The following MACO1 variants were observed in gnomAD, a reference collection of about 807,000 sequenced individuals.
MACO1 encodes macoilin.
MACO1 carries 14 observed loss-of-function variants against 78.7 expected under a neutral mutation model. The observed-to-expected ratio is 0.18, with a 90% CI of 0.12 to 0.28. The LOEUF (loss-of-function observed/expected upper bound fraction) is 0.28. Among genes scored for constraint, MACO1 ranks in the 10% least tolerant of loss-of-function variants. The probability of loss-of-function intolerance (pLI) is 1.00; values close to 1 mark genes in which losing one functional copy is unlikely to be tolerated. For missense variants in MACO1, 501 were observed against 799.0 expected, an observed-to-expected ratio of 0.63 and a Z score of 4.50; for synonymous variants, 288 against 291.6, an observed-to-expected ratio of 0.99 and a Z score of 0.12.
In MACO1 at chr1:25,466,204, G is replaced by A. The variant is rs1638672114; in HGVS notation, c.1154+7312G>A. Among the ~76,000 whole-genome samples, 4 of 152,344 alleles carry A rather than the reference G, an allele frequency of 2.6e-5. No homozygotes were observed. The South Asian group carries it at 8.3e-4, about 32-fold the overall frequency. ...AATCTCCATACTGTTTGCCATAGAA[G>A]TTGAATTGATTTACATTCTCACCAG... On this transcript the variant is annotated intron_variant, in intron 6 of 10. Transcript: ENST00000374343.
At chr1:25,437,136 C>CTT (rs35287453) in intron 1 of MACO1, among the ~76,000 whole-genome samples, 2 of 136,602 alleles carry the variant, frequency 1.5e-5, no homozygotes, top group Admixed American at 7.3e-5. Context: ...CTTCAAAACA[C>CTT]TTTTTTTTTT....
chr1:25,460,377 A>C (rs1260952842), intron 6 of MACO1, among the ~76,000 whole-genome samples: 1 of 151,672 alleles, frequency 6.6e-6, no homozygotes, highest in Non-Finnish European at 1.5e-5. Context: ...CATCTGTCAC[A>C]GCTATTTACC....
intron 10 of MACO1, among the ~76,000 whole-genome samples, chr1:25,493,942 A>T (rs1188516851): frequency 1.3e-5 from 2 of 152,024 alleles, no homozygotes; most frequent in Non-Finnish European, 2.9e-5. Context: ...CGTGTTAGCC[A>T]GGATGGTCTC....
intron 6 of MACO1, among the ~76,000 whole-genome samples, chr1:25,464,673 G>A (rs566996952): frequency 1.4e-4 from 9 of 64,748 alleles, no homozygotes; most frequent in East Asian, 8.9e-4. Context: ...CCCCCCCTCC[G>A]CGAAATGGAA....
chr1:25,452,541 A>T (rs2043075966), intron 3 of MACO1, among the ~76,000 whole-genome samples: 1 of 152,162 alleles, frequency 6.6e-6, no homozygotes, highest in Non-Finnish European at 1.5e-5. Context: ...TTACTTAAGG[A>T]TTATTTTTTT....
intron 3 of MACO1, among the ~76,000 whole-genome samples, chr1:25,451,407 T>G (rs1474185136): frequency 6.6e-6 from 1 of 152,192 alleles, no homozygotes; most frequent in Admixed American, 6.5e-5. Flanking sequence ...ATGCTTTCAA[T>G]GTGATTTTGT....
intron 10 of MACO1, among the ~76,000 whole-genome samples, chr1:25,496,220 T>C (rs976045307): frequency 6.6e-6 from 1 of 151,594 alleles, no homozygotes; most frequent in Admixed American, 6.6e-5. Context: ...CAATCTTGCC[T>C]CACTACAACC....
intron 1 of MACO1, among the ~76,000 whole-genome samples, chr1:25,436,261 C>T (rs1027360886): frequency 1.3e-5 from 2 of 152,010 alleles, no homozygotes; most frequent in Non-Finnish European, 2.9e-5. Context: ...TTGGCCATTT[C>T]TCCCAGATCT....
chr1:25,478,660 T>C (rs2043343857), intron 6 of MACO1, among the ~76,000 whole-genome samples: 1 of 152,206 alleles, frequency 6.6e-6, no homozygotes, highest in Non-Finnish European at 1.5e-5. Flanking sequence ...CCCTTAGAAG[T>C]TGAGTGCTAT....
chr1:25,485,624 C>G lies in MACO1; in HGVS notation c.1325C>G (p.Ala442Gly). 6.2e-7 allele frequency: 1 copy of G among 1,613,452 alleles called. No homozygotes were observed. ...NELLQNKLHN[A>G]VQMKQKDKQN... ...TCATTTCCATATAGGTTACATAATG[C>G]TGTGCAAATGAAGCAAAAAGACAAG... The change falls in exon 8 of 11, where the codon GCT becomes GGT. Residue 442 changes from alanine to glycine, a missense_variant. Physicochemically the swap from Ala to Gly is moderately conservative, Grantham distance 60. Coordinates refer to ENST00000374343, the MANE Select transcript of MACO1 (RefSeq NM_018202.6). This position sits in a 1 kb window ranked among gnomAD's most constrained non-coding sequence, Gnocchi z 4.3.
At chr1:25,471,058 G>T (rs1174601687) in intron 6 of MACO1, among the ~76,000 whole-genome samples, 1 of 151,290 alleles carries the variant, frequency 6.6e-6, no homozygotes, top group Admixed American at 6.6e-5. Flanking sequence ...TATGGGTAGG[G>T]CCGGGTACGG....
In MACO1 at chr1:25,499,441, T is replaced by G. The variant is rs547749235; in HGVS notation, c.*975T>G. On this transcript the variant is annotated 3_prime_UTR_variant, in exon 11 of 11. Transcript: ENST00000374343. ...GGCTAATAAAAGCTGCGGGTCTAGG[T>G]TTTTTTTTTTTTGTTTTGTTTTTTC... 27 of 141,702 alleles carry G rather than the reference T, an allele frequency of 1.9e-4. No homozygotes were observed. Among genetic ancestry groups the G allele is most frequent in the African/African-American group, 5.8e-4 (22 of 38,176 alleles). The allele number at this position is 141,702 out of a possible 1,614,324, so 8.8% of individuals were successfully genotyped here.
In MACO1 at chr1:25,485,586, CTT is replaced by C. The variant is rs748592915; in HGVS notation, c.1314-25_1314-24del. Reference sequence around the variant, plus strand: ...ATAGTGGGCATTTGTAATTTTAAGACTTTATATGACAATCATTTCCATATAGG... The same window carrying C: ...ATAGTGGGCATTTGTAATTTTAAGACTATATGACAATCATTTCCATATAGG... On this transcript the variant is annotated intron_variant, in intron 7 of 10. Coordinates refer to ENST00000374343, the MANE Select transcript of MACO1 (RefSeq NM_018202.6). This position sits in a 1 kb window ranked among gnomAD's most constrained non-coding sequence, Gnocchi z 4.3. 2.5e-6 allele frequency: 4 copies of C among 1,599,250 alleles called. No individual in the cohort carries two copies. In the African/African-American group the frequency reaches 5.4e-5, roughly 22 times the overall value.
At chr1:25,451,219 C>T (rs1334583857) in intron 3 of MACO1, among the ~76,000 whole-genome samples, 1 of 152,122 alleles carries the variant, frequency 6.6e-6, no homozygotes, top group African/African-American at 2.4e-5. Flanking sequence ...ATTCCTATAA[C>T]TTGGGGTAGT....
chr1:25,477,580 A>G (rs529204187), intron 6 of MACO1, among the ~76,000 whole-genome samples: 1 of 152,264 alleles, frequency 6.6e-6, no homozygotes, highest in Non-Finnish European at 1.5e-5. Flanking sequence ...CCACAGACAT[A>G]TATCTTTAGG....
At chr1:25,484,432 A>G (rs578214866) in intron 7 of MACO1, among the ~76,000 whole-genome samples, 158 bp downstream of exon 7, 11 of 152,362 alleles carry the variant, frequency 7.2e-5, no homozygotes, top group African/African-American at 2.2e-4. Flanking sequence ...GATATTCAAC[A>G]TGTTTATAAA....
chr1:25,471,569 C>T (rs74524635), intron 6 of MACO1, among the ~76,000 whole-genome samples: 2,058 of 152,270 alleles, frequency 0.014, 52 homozygotes, highest in African/African-American at 0.047. Flanking sequence ...TGGTTTGTCA[C>T]AGTACACAGT....
At chr1:25,478,776 G>T (rs758153968) in intron 6 of MACO1, among the ~76,000 whole-genome samples, 1 of 152,208 alleles carries the variant, frequency 6.6e-6, no homozygotes, top group Non-Finnish European at 1.5e-5. Flanking sequence ...CATATTTATT[G>T]TACATATAAA....
At chr1:25,484,344 G>A (rs2043409382) in intron 7 of MACO1, 70 bp downstream of exon 7, 3 of 1,477,342 alleles carry the variant, frequency 2.0e-6, no homozygotes, top group Non-Finnish European at 2.7e-6. Context: ...GCCAGGGGTT[G>A]GAGCACAAGA....
Sources: allele counts gnomAD v4.1 joint callset (sites outside exome capture counted in the v4.1 genomes callset), GRCh38; gene constraint gnomAD v4.1.1; non-coding constraint Gnocchi (gnomAD v3.1); transcripts MANE v1.5; gene names NCBI Gene and HGNC (gene_info 2026-07-23, HGNC 2026-07-21).